Variants in PFKFB1 observed in about 807,000 individuals in gnomAD.
PFKFB1 encodes the protein 6-phosphofructo-2-kinase/fructose-2,6-biphosphatase 1, also known as 6-phosphofructo-2-kinase/fructose-2,6-bisphosphatase 1.
Under a neutral mutation model 46.4 loss-of-function variants are expected in PFKFB1, and 34 were observed. The ratio of observed to expected loss-of-function variants is 0.73; its 90% CI spans 0.56 to 0.98. The LOEUF (loss-of-function observed/expected upper bound fraction) is 0.98. Among genes scored for constraint, PFKFB1 ranks in the 50% least tolerant of loss-of-function variants. The probability of loss-of-function intolerance (pLI) is 0.00; values close to 1 mark genes in which losing one functional copy is unlikely to be tolerated. For synonymous variants in PFKFB1, 119 were observed against 133.8 expected (o/e 0.89, Z 0.76); for missense variants, 393 against 376.3 (o/e 1.04, Z -0.37).
intron 1 of PFKFB1, among the ~76,000 whole-genome samples, chrX:54,976,210 G>C (rs1468441081): frequency 9.0e-6 from 1 of 111,028 alleles, no homozygotes; most frequent in East Asian, 2.8e-4. Context: ...AAATGCCACA[G>C]AATGAAAGAA....
chrX:54,943,724 C>T (rs889676079), intron 10 of PFKFB1, among the ~76,000 whole-genome samples: 2 of 109,243 alleles, frequency 1.8e-5, no homozygotes, highest in African/African-American at 6.7e-5. Flanking sequence ...GCACTCCAGC[C>T]TGGGTGAAAG....
intron 5 of PFKFB1, among the ~76,000 whole-genome samples, 189 bp from the exon 6 acceptor site, chrX:54,958,551 C>G (rs1934221271): frequency 9.0e-6 from 1 of 110,848 alleles, no homozygotes. Context: ...CTGAATGACC[C>G]CAGACTGTTG....
At chrX:54,979,802 TA>T (rs1934928055) in intron 1 of PFKFB1, among the ~76,000 whole-genome samples, 2 of 111,675 alleles carry the variant, frequency 1.8e-5, no homozygotes, top group South Asian at 7.4e-4. Context: ...ACCCATAAAA[TA>T]AGGCAAAAGT....
chrX:54,943,338 AAAC>A (rs896818212), intron 10 of PFKFB1, among the ~76,000 whole-genome samples: 2 of 111,887 alleles, frequency 1.8e-5, no homozygotes, highest in African/African-American at 3.3e-5. Context: ...TGCTGAGAGA[AAAC>A]AACTGTCATC....
At chrX:54,938,631 A>T (rs1474154457) in intron 10 of PFKFB1, among the ~76,000 whole-genome samples, 2 of 111,572 alleles carry the variant, frequency 1.8e-5, no homozygotes, top group Non-Finnish European at 3.8e-5. Context: ...ACCAACAAAG[A>T]TCAAAAGAGA....
chrX:54,933,954 C>G, intron 12 of PFKFB1, 69 bp from the exon 13 acceptor site: 2 of 828,301 alleles, frequency 2.4e-6, no homozygotes, highest in Non-Finnish European at 3.6e-6. Context: ...GAGGTATCAC[C>G]TCCCCTCCCC....
At chrX:54,963,868 C>T (rs776632015) in intron 1 of PFKFB1, among the ~76,000 whole-genome samples, 3 of 112,138 alleles carry the variant, frequency 2.7e-5, no homozygotes, top group Non-Finnish European at 5.6e-5. Context: ...AGTATAATAG[C>T]TGTTGCTGAA....
At chrX:54,974,373 A>G (rs1934778552) in intron 1 of PFKFB1, among the ~76,000 whole-genome samples, 2 of 111,542 alleles carry the variant, frequency 1.8e-5, no homozygotes, top group African/African-American at 3.3e-5. Flanking sequence ...TATTCAATTA[A>G]TGATGCTGGG....
chrX:54,936,825 G>A (rs949049850), intron 11 of PFKFB1, among the ~76,000 whole-genome samples: 2 of 111,666 alleles, frequency 1.8e-5, no homozygotes, highest in African/African-American at 6.5e-5. Flanking sequence ...TAGCATCGTA[G>A]AAAAGATCCA....
At position 54,963,306 on chromosome X, in the gene PFKFB1, G is replaced by A. The variant is rs140962840; in HGVS notation, c.174C>T (p.Ile58=). 50 of 1,206,468 alleles carry A rather than the reference G, an allele frequency of 4.1e-5. No homozygotes were observed. The highest frequency in any genetic ancestry group is 5.4e-5 in the Non-Finnish European group (48 of 892,051). Residue 58 remains isoleucine (I), a synonymous_variant, in exon 2 of 14, where the codon ATC becomes ATT. Transcript: ENST00000375006. The part of the protein sequence containing the change: ...VGLPARGKTY[I]STKLTRYLNW... The stretch of plus-strand genomic sequence containing the variant: ...TGAGATATCGTGTGAGCTTTGTGGA[G>A]ATATAGGTCTTGCCTCGAGCTGGTA...
At chrX:54,935,885 T>A (rs1933372850) in intron 11 of PFKFB1, among the ~76,000 whole-genome samples, 1 of 111,539 alleles carries the variant, frequency 9.0e-6, no homozygotes, top group African/African-American at 3.3e-5. Flanking sequence ...TCCCTTCATT[T>A]TGCAGGATCA....
intron 7 of PFKFB1, among the ~76,000 whole-genome samples, chrX:54,952,918 T>C (rs754070261): frequency 7.3e-5 from 8 of 110,182 alleles, no homozygotes; most frequent in Non-Finnish European, 1.3e-4. Flanking sequence ...TCCACAACAT[T>C]ATTGGGGAAC....
intron 2 of PFKFB1, 48 bp from the exon 3 acceptor site, chrX:54,960,965 CA>C (rs768406444): frequency 1.6e-5 from 13 of 814,055 alleles, no homozygotes; most frequent in Non-Finnish European, 2.2e-5. Context: ...TCCCAGTGGC[CA>C]AAAAAATGTC....
intron 1 of PFKFB1, among the ~76,000 whole-genome samples, chrX:54,978,403 G>A (rs1934892103): frequency 9.0e-6 from 1 of 111,507 alleles, no homozygotes; most frequent in African/African-American, 3.2e-5. Context: ...ATCATCATTA[G>A]AACACTACTG....
Position 54,949,124 on chromosome X carries a change from G to T in PFKFB1, c.944C>A (p.Ala315Asp). 1 of 1,210,444 alleles carries T rather than the reference G, an allele frequency of 8.3e-7. No homozygotes were observed. Among genetic ancestry groups the T allele is most frequent in the Non-Finnish European group, 1.1e-6 (1 of 894,618 alleles). ...HMKRTIQTAE[A>D]LGVPYEQWKA... ...CCACTGCTCATAGGGGACACCCAGGGCCTCAGCTGTCTGGATGGTCCTCTT... is the reference window on the plus strand; with the variant it reads ...CCACTGCTCATAGGGGACACCCAGGTCCTCAGCTGTCTGGATGGTCCTCTT... Residue 315 changes from alanine to aspartate, a missense_variant, in exon 9 of 14, where the codon GCC becomes GAC. Physicochemically the swap from Ala to Asp is moderately radical, Grantham distance 126 (BLOSUM62 -2). Transcript: ENST00000375006.
chrX:54,975,394 ATTG>A (rs1934810482), intron 1 of PFKFB1, among the ~76,000 whole-genome samples: 1 of 110,597 alleles, frequency 9.0e-6, no homozygotes, highest in African/African-American at 3.3e-5. Flanking sequence ...AAAACCAAAT[ATTG>A]TTATGTTCTC....
At chrX:54,980,904 G>A (rs896611413) in intron 1 of PFKFB1, among the ~76,000 whole-genome samples, 1 of 111,397 alleles carries the variant, frequency 9.0e-6, no homozygotes, top group African/African-American at 3.3e-5. Flanking sequence ...GTATGTCAAC[G>A]AAATGTGAGA....
intron 9 of PFKFB1, 55 bp from the exon 10 acceptor site, chrX:54,945,598 C>G (rs1933781829): frequency 6.6e-6 from 5 of 762,394 alleles, no homozygotes; most frequent in Non-Finnish European, 9.8e-6. Context: ...TCCACAGAGT[C>G]TTTGCCATAA....
chrX:54,935,982 G>T (rs1462347429), intron 11 of PFKFB1, among the ~76,000 whole-genome samples: 1 of 111,304 alleles, frequency 9.0e-6, no homozygotes, highest in Non-Finnish European at 1.9e-5. Flanking sequence ...GAGACATTAG[G>T]TTGGCTTTTT....
Sources: allele counts gnomAD v4.1 joint callset (sites outside exome capture counted in the v4.1 genomes callset), GRCh38; gene constraint gnomAD v4.1.1; transcripts MANE v1.5; gene names NCBI Gene and HGNC (gene_info 2026-07-23, HGNC 2026-07-21).